Variants in TANC2 observed in about 807,000 individuals in gnomAD.
TANC2 encodes protein TANC2.
In TANC2, 26 loss-of-function variants were observed where a neutral mutation model predicts 210.5. The observed-to-expected ratio is 0.12, with a 90% CI of 0.09 to 0.17. TANC2 has a LOEUF of 0.17. TANC2 is among the 10% of genes least tolerant of loss of function. The pLI, the probability that TANC2 is intolerant of heterozygous loss-of-function variation, is 1.00. For missense variants in TANC2, 2,129 were observed against 2,608.9 expected (o/e 0.82, Z 4.01); for synonymous variants, 931 against 967.1 (o/e 0.96, Z 0.69).
At chr17:63,321,545 A>G (rs746982932) in intron 11 of TANC2, among the ~76,000 whole-genome samples, 7 of 152,194 alleles carry the variant, frequency 4.6e-5, no homozygotes, top group Non-Finnish European at 7.3e-5. Context: ...GAAATGCCCA[A>G]AAGTCAGTAT....
intron 3 of TANC2, among the ~76,000 whole-genome samples, chr17:63,091,752 A>G (rs928700868): frequency 6.6e-6 from 1 of 152,012 alleles, no homozygotes; most frequent in Admixed American, 6.6e-5. Context: ...TGTGAAGAAA[A>G]TCATTGGTAG....
At chr17:63,009,755 T>A in intron 2 of TANC2, 129 bp downstream of exon 2, 1 of 756,142 alleles carries the variant, frequency 1.3e-6, no homozygotes, top group Non-Finnish European at 2.2e-6. Flanking sequence ...TACATTTCTT[T>A]GGGCTTTCAT....
At chr17:63,402,012 G>A (rs1224802592) in intron 19 of TANC2, among the ~76,000 whole-genome samples, 6 of 152,156 alleles carry the variant, frequency 3.9e-5, no homozygotes, top group African/African-American at 1.4e-4. Flanking sequence ...TTAAGCCATA[G>A]TCTGTTTGTG....
intron 7 of TANC2, among the ~76,000 whole-genome samples, chr17:63,237,064 T>A (rs1316082978): frequency 6.6e-6 from 1 of 152,142 alleles, no homozygotes; most frequent in African/African-American, 2.4e-5. Context: ...TTGAGAAATC[T>A]CTGTATTTTC....
chr17:63,297,820 G>T (rs895626853), intron 9 of TANC2, among the ~76,000 whole-genome samples: 5 of 151,306 alleles, frequency 3.3e-5, no homozygotes, highest in African/African-American at 1.2e-4. Context: ...ATCTGATAAG[G>T]GTCTAGTATC....
intron 4 of TANC2, among the ~76,000 whole-genome samples, chr17:63,131,268 G>C (rs993646207): frequency 6.6e-6 from 1 of 152,152 alleles, no homozygotes; most frequent in Middle Eastern, 3.2e-3. Context: ...TGTAATTACT[G>C]TTACATCAGT....
chr17:63,209,262 C>T (rs1410928394), intron 7 of TANC2, among the ~76,000 whole-genome samples: 1 of 152,124 alleles, frequency 6.6e-6, no homozygotes, highest in African/African-American at 2.4e-5. Context: ...GTCCGCCCGC[C>T]TCAGCCTCCA....
At chr17:63,115,574 T>C (rs1012628175) in intron 4 of TANC2, among the ~76,000 whole-genome samples, 9 of 152,294 alleles carry the variant, frequency 5.9e-5, no homozygotes, top group Middle Eastern at 3.4e-3. Context: ...GTATATGCAG[T>C]GTGATGGGAC....
At chr17:63,317,237 A>G (rs1159809177) in intron 10 of TANC2, among the ~76,000 whole-genome samples, 2 of 152,166 alleles carry the variant, frequency 1.3e-5, no homozygotes, top group Non-Finnish European at 2.9e-5. Context: ...CTGCTGTGGA[A>G]GATAGGAGCA....
At chr17:63,174,211 G>A (rs2040500978) in intron 5 of TANC2, among the ~76,000 whole-genome samples, 1 of 152,206 alleles carries the variant, frequency 6.6e-6, no homozygotes, top group Non-Finnish European at 1.5e-5. Flanking sequence ...AAGCTATGCA[G>A]GGTGAGGTAA....
chr17:63,108,039 C>T (rs955529108), intron 4 of TANC2, among the ~76,000 whole-genome samples: 3 of 151,536 alleles, frequency 2.0e-5, no homozygotes, highest in Non-Finnish European at 4.4e-5. Flanking sequence ...TATATTTAAC[C>T]CATTTATGCC....
intron 4 of TANC2, among the ~76,000 whole-genome samples, chr17:63,114,027 A>G (rs1246004150): frequency 6.6e-6 from 1 of 152,230 alleles, no homozygotes; most frequent in African/African-American, 2.4e-5. Flanking sequence ...ATAACTTTAG[A>G]TTAATGAAGT....
intron 5 of TANC2, among the ~76,000 whole-genome samples, chr17:63,185,108 C>T (rs1484762899): frequency 6.6e-6 from 1 of 151,880 alleles, no homozygotes; most frequent in Non-Finnish European, 1.5e-5. Context: ...CATCCTCTTA[C>T]TTTACCCACC....
At chr17:62,998,979 G>C (rs1049073184) in intron 1 of TANC2, among the ~76,000 whole-genome samples, 1 of 152,180 alleles carries the variant, frequency 6.6e-6, no homozygotes, top group Admixed American at 6.5e-5. Flanking sequence ...AAGAAAGCAG[G>C]GATTCCTATT....
intron 1 of TANC2, among the ~76,000 whole-genome samples, chr17:63,001,870 G>T (rs1323998173): frequency 6.6e-6 from 1 of 152,022 alleles, no homozygotes; most frequent in Non-Finnish European, 1.5e-5. Flanking sequence ...CTTTATAAGG[G>T]ATTTGATATG....
In TANC2 at chr17:63,215,754, TA is replaced by T. The variant is rs199745275; in HGVS notation, c.769+14798del. 2.6e-4 allele frequency among the ~76,000 whole-genome samples: 39 copies of T among 151,576 alleles called. No homozygotes were observed. The East Asian group carries it at 5.6e-3, about 22-fold the overall frequency. ...TTTTGTTTTATTTTTATTTTATTATTATTTTTTTTTTCTGAGACGGAGTCTC... is the reference window on the plus strand; with the variant it reads ...TTTTGTTTTATTTTTATTTTATTATTTTTTTTTTTTCTGAGACGGAGTCTC... On this transcript the variant is annotated intron_variant, in intron 7 of 27. Transcript: ENST00000689528.
At chr17:63,009,187 G>T (rs1432199898) in intron 1 of TANC2, among the ~76,000 whole-genome samples, 1 of 150,966 alleles carries the variant, frequency 6.6e-6, no homozygotes, top group Non-Finnish European at 1.5e-5. Flanking sequence ...TATTTATGGG[G>T]GTAAACATAG....
chr17:63,059,896 G>A (rs889841948), intron 2 of TANC2, among the ~76,000 whole-genome samples: 9 of 152,110 alleles, frequency 5.9e-5, no homozygotes, highest in African/African-American at 1.9e-4. Context: ...AATGGAGAAT[G>A]GCATTTCAAG....
At chr17:63,151,719 G>T (rs2145406978) in intron 5 of TANC2, 1 of 152,290 alleles carries the variant, frequency 6.6e-6, no homozygotes, top group African/African-American at 2.4e-5. Context: ...AAATGTTGAA[G>T]ATGTGAATAA....
Sources: gnomAD v4.1 joint callset for allele counts (sites outside exome capture counted in the v4.1 genomes callset) on GRCh38, gnomAD v4.1.1 for gene constraint, MANE v1.5 for transcripts, NCBI Gene and HGNC (gene_info 2026-07-23, HGNC 2026-07-21) for gene names.